The following CAMTA1 variants were observed in gnomAD, a reference collection of about 807,000 sequenced individuals.
CAMTA1 encodes calmodulin-binding transcription activator 1.
Under a neutral mutation model 170.9 loss-of-function variants are expected in CAMTA1, and 27 were observed. The observed-to-expected ratio is 0.16, with a 90% confidence interval of 0.12 to 0.22. CAMTA1 has a LOEUF of 0.22. CAMTA1 is among the 10% of genes least tolerant of loss of function. The pLI is 1.00. For synonymous variants in CAMTA1, 833 were observed against 891.5 expected (o/e 0.93, Z 1.17); for missense variants, 1,619 against 2,217.2 (o/e 0.73, Z 5.42).
chr1:7,447,435 G>C (rs1388391242), intron 5 of CAMTA1, among the ~76,000 whole-genome samples: 1 of 130,604 alleles, frequency 7.7e-6, no homozygotes, highest in African/African-American at 2.9e-5. Flanking sequence ...GGGGTGGGGG[G>C]TGAGGGGGTG....
intron 7 of CAMTA1, among the ~76,000 whole-genome samples, chr1:7,647,712 G>T (rs925210338): frequency 6.6e-6 from 1 of 152,184 alleles, no homozygotes; most frequent in East Asian, 1.9e-4. Flanking sequence ...GGCTGGGGAC[G>T]GCGGGCTGGG....
At chr1:7,229,154 G>A (rs1662233991) in intron 4 of CAMTA1, among the ~76,000 whole-genome samples, 1 of 151,884 alleles carries the variant, frequency 6.6e-6, no homozygotes, top group South Asian at 2.1e-4. Flanking sequence ...GGAGAGTGGA[G>A]GTGAGAGCAG....
At position 7,534,100 on chromosome 1, in the gene CAMTA1, C is replaced by T. The variant is rs553942840; in HGVS notation, c.510+66199C>T. On this transcript the variant is annotated intron_variant, in intron 6 of 22. Coordinates refer to ENST00000303635, the MANE Select transcript of CAMTA1 (RefSeq NM_015215.4). The surrounding 1 kb of genome is among the most constrained non-coding windows in gnomAD (Gnocchi z 5.6). ...GGCTCATGGGACTCCTGAGGCCCCT[C>T]CCATCACCGGTCACCCCGCCCGCCA... Among the ~76,000 whole-genome samples, 1 of 152,296 alleles carries T rather than the reference C, an allele frequency of 6.6e-6. No homozygotes were observed. The highest frequency in any genetic ancestry group is 6.5e-5 in the Admixed American group (1 of 15,302).
At chr1:7,700,126 C>T (rs773228667) in intron 11 of CAMTA1, among the ~76,000 whole-genome samples, 2 of 151,324 alleles carry the variant, frequency 1.3e-5, no homozygotes, top group Admixed American at 6.6e-5. Flanking sequence ...GGTTTACTGC[C>T]GTATTTTTTT....
At chr1:7,103,931 T>C (rs1189424290) in intron 4 of CAMTA1, among the ~76,000 whole-genome samples, 2 of 112,664 alleles carry the variant, frequency 1.8e-5, no homozygotes, top group African/African-American at 3.6e-5. Context: ...TACACACAAC[T>C]ACACACATAC....
chr1:7,310,976 G>A (rs1049607726), intron 5 of CAMTA1, among the ~76,000 whole-genome samples: 15 of 151,860 alleles, frequency 9.9e-5, no homozygotes, highest in Non-Finnish European at 1.5e-4. Context: ...AGTGATCCAC[G>A]GGCCTAAGCC....
chr1:7,029,081 T>C (rs1489498111), intron 3 of CAMTA1, among the ~76,000 whole-genome samples: 2 of 152,178 alleles, frequency 1.3e-5, no homozygotes, highest in African/African-American at 4.8e-5. Context: ...AATATGTAAA[T>C]CATGTTTATT....
At chr1:7,716,405 ATATTT>A (rs2096610179) in intron 11 of CAMTA1, among the ~76,000 whole-genome samples, 1 of 152,202 alleles carries the variant, frequency 6.6e-6, no homozygotes, top group South Asian at 2.1e-4. Flanking sequence ...TATTGGACAG[ATATTT>A]TATCCAGAAT....
intron 11 of CAMTA1, among the ~76,000 whole-genome samples, chr1:7,687,179 C>T (rs2096265971): frequency 6.6e-6 from 1 of 151,722 alleles, no homozygotes; most frequent in African/African-American, 2.4e-5. Context: ...GGAGAGGCTG[C>T]AGGATCAAGC....
intron 5 of CAMTA1, among the ~76,000 whole-genome samples, chr1:7,397,854 T>C (rs1303319008): frequency 1.3e-5 from 2 of 152,028 alleles, no homozygotes; most frequent in Non-Finnish European, 2.9e-5. Context: ...CATGATATTA[T>C]TTTTATTTAA....
At chr1:7,486,768 T>C (rs1417782852) in intron 6 of CAMTA1, among the ~76,000 whole-genome samples, 2 of 152,218 alleles carry the variant, frequency 1.3e-5, no homozygotes. Context: ...AATGACACTC[T>C]GGGTGAACCT....
At chr1:7,760,325 T>C (rs1040907443) in intron 22 of CAMTA1, among the ~76,000 whole-genome samples, 17 of 152,224 alleles carry the variant, frequency 1.1e-4, no homozygotes, top group African/African-American at 4.1e-4. Flanking sequence ...CACTGGGTCA[T>C]TACCAAGTTC....
chr1:6,832,072 C>T lies in CAMTA1; in HGVS notation c.234+6862C>T, dbSNP rs189091779. Among the ~76,000 whole-genome samples, 23 of 151,962 alleles carry T rather than the reference C, an allele frequency of 1.5e-4. No individual in the cohort carries two copies. In the East Asian group the frequency reaches 4.2e-3, roughly 28 times the overall value. Reference sequence around the variant, plus strand: ...AATTTCAACTGTTTTTAACATCAAGCCACCTTATTTTTTTTTATTTTTTTT... The same window carrying T: ...AATTTCAACTGTTTTTAACATCAAGTCACCTTATTTTTTTTTATTTTTTTT... On this transcript the variant is annotated intron_variant, in intron 3 of 22. Transcript: ENST00000303635.
intron 4 of CAMTA1, among the ~76,000 whole-genome samples, chr1:7,124,641 T>C (rs754395081): frequency 2.0e-5 from 3 of 152,228 alleles, no homozygotes; most frequent in Admixed American, 1.3e-4. Flanking sequence ...TGCTGACTGA[T>C]CTTTCTGGCT....
At chr1:7,066,718 C>T (rs1010138931) in intron 3 of CAMTA1, among the ~76,000 whole-genome samples, 1 of 152,218 alleles carries the variant, frequency 6.6e-6, no homozygotes, top group Non-Finnish European at 1.5e-5. Flanking sequence ...ATGCTAACAA[C>T]ATCTGCGACA....
At chr1:7,600,414 GTC>G in intron 6 of CAMTA1, among the ~76,000 whole-genome samples, 1 of 152,022 alleles carries the variant, frequency 6.6e-6, no homozygotes, top group South Asian at 2.1e-4. Flanking sequence ...TTTTTGTTGT[GTC>G]TCTGCCAGGC....
intron 3 of CAMTA1, among the ~76,000 whole-genome samples, chr1:6,908,904 T>TCAGAATCAC (rs1180290261): frequency 6.6e-6 from 1 of 152,244 alleles, no homozygotes; most frequent in Non-Finnish European, 1.5e-5. Flanking sequence ...GCTGGCATCT[T>TCAGAATCAC]CAGAATCACA....
intron 3 of CAMTA1, among the ~76,000 whole-genome samples, chr1:6,944,250 C>G (rs1687202906): frequency 6.6e-6 from 1 of 152,224 alleles, no homozygotes; most frequent in African/African-American, 2.4e-5. Flanking sequence ...GAATGGACCA[C>G]CTTTGCCTAT....
chr1:6,789,973 C>T (rs1489459285), intron 1 of CAMTA1, among the ~76,000 whole-genome samples: 1 of 151,702 alleles, frequency 6.6e-6, no homozygotes, highest in Admixed American at 6.6e-5. Context: ...CCATGTCCGG[C>T]TAATTTTTTT....
Sources: gnomAD v4.1 joint callset for allele counts (sites outside exome capture counted in the v4.1 genomes callset) on GRCh38, gnomAD v4.1.1 for gene constraint, Gnocchi (gnomAD v3.1) non-coding constraint, MANE v1.5 for transcripts, NCBI Gene and HGNC (gene_info 2026-07-23, HGNC 2026-07-21) for gene names.